Variants in DNAH6 observed in about 807,000 individuals in gnomAD.
DNAH6 encodes the protein dynein axonemal heavy chain 6.
In DNAH6, 340 loss-of-function variants were observed where a neutral mutation model predicts 491.4. The ratio of observed to expected loss-of-function variants is 0.69; its 90% CI spans 0.63 to 0.76. The LOEUF (loss-of-function observed/expected upper bound fraction) is 0.76. Among genes scored for constraint, DNAH6 ranks in the 30% least tolerant of loss-of-function variants. DNAH6 has a pLI of 0.00. For synonymous variants in DNAH6, 1,603 were observed against 1,686.1 expected, an observed-to-expected ratio of 0.95 and a Z score of 1.21; for missense variants, 4,443 against 4,972.2, an observed-to-expected ratio of 0.89 and a Z score of 3.20.
chr2:84,463,255 G>A, the DNAH6 span, among the ~76,000 whole-genome samples: 2 of 152,178 alleles, frequency 1.3e-5, no homozygotes, highest in East Asian at 3.8e-4. Context: ...AGAAGAGGGG[G>A]AGACAGACCT....
intron 35 of DNAH6, among the ~76,000 whole-genome samples, chr2:84,657,863 G>A (rs966024629): frequency 1.8e-4 from 27 of 152,020 alleles, no homozygotes; most frequent in African/African-American, 5.8e-4. Context: ...TTGAATAAGA[G>A]TAGTGAGAGG....
intron 42 of DNAH6, 40 bp downstream of exon 42, chr2:84,681,568 C>T (rs1174988650): frequency 7.0e-7 from 1 of 1,434,094 alleles, no homozygotes; most frequent in Admixed American, 2.9e-5. Flanking sequence ...TGCACCCTCC[C>T]TACTTTTCCA....
In DNAH6 at chr2:84,726,533, GAC is replaced by G. The variant is rs567173275; in HGVS notation, c.9973-1134_9973-1133del. Among the ~76,000 whole-genome samples the G allele has an allele frequency of 4.2e-3, 635 of 152,108 alleles. 3 individuals are homozygous for G. The highest frequency in any genetic ancestry group is 0.014 in the African/African-American group (594 of 41,534). The stretch of plus-strand genomic sequence containing the variant: ...ATCATTCTCAGCAAACTATCACAAG[GAC>G]AAAAAACCAAACACTGCATGTTCTC... On this transcript the variant is annotated intron_variant, in intron 60 of 76. Transcript: ENST00000389394.
chr2:84,537,936 A>G (rs1260321163), intron 4 of DNAH6, among the ~76,000 whole-genome samples: 2 of 152,086 alleles, frequency 1.3e-5, no homozygotes, highest in African/African-American at 4.8e-5. Flanking sequence ...CTGCAACATG[A>G]TAGTATTAAC....
chr2:84,662,308 A>G (rs1573397127), intron 37 of DNAH6, among the ~76,000 whole-genome samples: 1 of 151,906 alleles, frequency 6.6e-6, no homozygotes, highest in Non-Finnish European at 1.5e-5. Flanking sequence ...GTGGGGCATC[A>G]CCTCACCCAG....
At chr2:84,506,562 CTT>C in the DNAH6 span, among the ~76,000 whole-genome samples, 1 of 152,168 alleles carries the variant, frequency 6.6e-6, no homozygotes, top group African/African-American at 2.4e-5. Flanking sequence ...TGCAGAAGCT[CTT>C]TAGTTTACTT....
At chr2:84,492,104 G>T in the DNAH6 span, among the ~76,000 whole-genome samples, 1 of 152,184 alleles carries the variant, frequency 6.6e-6, no homozygotes, top group Non-Finnish European at 1.5e-5. Context: ...ACCCCATCTT[G>T]GGAATGCCTT....
chr2:84,645,752 A>T (rs1689835631), intron 33 of DNAH6, among the ~76,000 whole-genome samples: 1 of 152,038 alleles, frequency 6.6e-6, no homozygotes, highest in Non-Finnish European at 1.5e-5. Context: ...TAGAGGTAAA[A>T]CTCACAAAAG....
chr2:84,525,140 C>T (rs1676491684), intron 2 of DNAH6, among the ~76,000 whole-genome samples: 2 of 151,998 alleles, frequency 1.3e-5, no homozygotes, highest in South Asian at 4.2e-4. Context: ...GATAATGCCA[C>T]CTATTTTTTT....
intron 64 of DNAH6, among the ~76,000 whole-genome samples, chr2:84,765,549 G>T (rs1674998896): frequency 6.6e-6 from 1 of 152,052 alleles, no homozygotes; most frequent in South Asian, 2.1e-4. Flanking sequence ...TTTCATGTAA[G>T]TGTTAAAATT....
At chr2:84,752,179 G>C (rs1475195297) in intron 63 of DNAH6, among the ~76,000 whole-genome samples, 1 of 152,174 alleles carries the variant, frequency 6.6e-6, no homozygotes, top group African/African-American at 2.4e-5. Context: ...AGCAACAATT[G>C]CAAGTTTTTC....
At chr2:84,692,430 T>C (rs1170763282) in intron 45 of DNAH6, among the ~76,000 whole-genome samples, 1 of 45,510 alleles carries the variant, frequency 2.2e-5, no homozygotes, top group East Asian at 4.4e-4. Flanking sequence ...GATAGATAGA[T>C]AGATAGATAG....
intron 13 of DNAH6, among the ~76,000 whole-genome samples, chr2:84,577,642 C>T (rs922390228): frequency 2.0e-5 from 3 of 152,052 alleles, no homozygotes; most frequent in Non-Finnish European, 4.4e-5. Flanking sequence ...GCCTCTTGCT[C>T]CTACTCCTTT....
At chr2:84,582,104 A>G (rs1256910053) in intron 14 of DNAH6, among the ~76,000 whole-genome samples, 1 of 152,246 alleles carries the variant, frequency 6.6e-6, no homozygotes. Context: ...AATTCTATAC[A>G]TAACTTGTTC....
chr2:84,762,079 G>A (rs1674642977), intron 63 of DNAH6, among the ~76,000 whole-genome samples: 1 of 152,152 alleles, frequency 6.6e-6, no homozygotes, highest in African/African-American at 2.4e-5. Flanking sequence ...GAACAGGAAT[G>A]GGGTAGGTAG....
At chr2:84,709,118 T>C (rs1318160910) in intron 54 of DNAH6, among the ~76,000 whole-genome samples, 1 of 152,248 alleles carries the variant, frequency 6.6e-6, no homozygotes, top group South Asian at 2.1e-4. Context: ...ATAGAGGGAA[T>C]GATGTTTCCA....
At chr2:84,532,987 C>G (rs889256697) in intron 4 of DNAH6, among the ~76,000 whole-genome samples, 1 of 152,124 alleles carries the variant, frequency 6.6e-6, no homozygotes, top group African/African-American at 2.4e-5. Context: ...GCTGTATATA[C>G]AGTACACGTA....
the DNAH6 span, among the ~76,000 whole-genome samples, chr2:84,477,342 G>A: frequency 6.6e-6 from 1 of 152,218 alleles, no homozygotes; most frequent in Non-Finnish European, 1.5e-5. Flanking sequence ...CAAGGAGCCA[G>A]CAAGTCTAGA....
chr2:84,497,188 C>T, the DNAH6 span, among the ~76,000 whole-genome samples: 1 of 152,124 alleles, frequency 6.6e-6, no homozygotes, highest in Non-Finnish European at 1.5e-5. Flanking sequence ...CCAGACTGGT[C>T]TCAAACTCCT....
Sources: gnomAD v4.1 joint callset for allele counts (sites outside exome capture counted in the v4.1 genomes callset) on GRCh38, gnomAD v4.1.1 for gene constraint, MANE v1.5 for transcripts, NCBI Gene and HGNC (gene_info 2026-07-23, HGNC 2026-07-21) for gene names.